The following WNT7B variants were observed in gnomAD, a reference collection of about 807,000 sequenced individuals.
The protein encoded by WNT7B is protein Wnt-7b.
A neutral mutation model predicts 38.2 loss-of-function variants in WNT7B; 19 were observed. The observed-to-expected ratio is 0.50, with a 90% CI of 0.35 to 0.73. The LOEUF (loss-of-function observed/expected upper bound fraction) is 0.73. Among genes scored for constraint, WNT7B ranks in the 30% least tolerant of loss-of-function variants. The pLI, the probability that WNT7B is intolerant of heterozygous loss-of-function variation, is 0.01. For missense variants in WNT7B, 423 were observed against 507.9 expected, an observed-to-expected ratio of 0.83 and a Z score of 1.61; for synonymous variants, 243 against 209.3, an observed-to-expected ratio of 1.16 and a Z score of -1.39.
chr22:45,947,628 C>G (rs1285786660), intron 2 of WNT7B, among the ~76,000 whole-genome samples: 1 of 152,168 alleles, frequency 6.6e-6, no homozygotes, highest in African/African-American at 2.4e-5. Context: ...CACTTCCCAG[C>G]TGGGACTGGG....
intron 3 of WNT7B, among the ~76,000 whole-genome samples, chr22:45,924,034 G>A (rs369596656): frequency 2.6e-4 from 40 of 152,294 alleles, no homozygotes; most frequent in African/African-American, 8.7e-4. Flanking sequence ...CCATGGCCCC[G>A]GAAGGCTGAT....
At chr22:45,926,189 CAAG>C (rs1041001415) in intron 3 of WNT7B, 74 of 985,312 alleles carry the variant, frequency 7.5e-5, no homozygotes, top group Non-Finnish European at 8.9e-5. Flanking sequence ...TCACAGGGTT[CAAG>C]AATGTGCCGT....
intron 1 of WNT7B, among the ~76,000 whole-genome samples, chr22:45,950,942 G>C (rs1931918372): frequency 6.6e-6 from 1 of 152,206 alleles, no homozygotes; most frequent in African/African-American, 2.4e-5. Flanking sequence ...CTGCAGCCTT[G>C]CAGTGGTCCA....
chr22:45,929,745 CATCCTTTCATTCATCTGTCTACTT>C (rs1931254811), intron 3 of WNT7B, among the ~76,000 whole-genome samples: 1 of 151,246 alleles, frequency 6.6e-6, no homozygotes, highest in African/African-American at 2.5e-5. Context: ...CCCACCGATC[CATCCTTTCATTCATCTGTCTACTT>C]ATCCTTCCAT....
At position 45,977,142 on chromosome 22, in the gene WNT7B, G is replaced by T; in HGVS notation, c.-388C>A. On this transcript the variant is annotated 5_prime_UTR_variant, in exon 1 of 4. Transcript: ENST00000339464. ...CGCGGCGGCCAATGTGTCCGCACTT[G>T]TCGGCCGCCCCAGGTGACTCGCGGC... 2.0e-6 allele frequency: 1 copy of T among 496,874 alleles called. No homozygotes were observed. Among genetic ancestry groups the T allele is most frequent in the Non-Finnish European group, 2.6e-6 (1 of 383,778 alleles). 30.8% of individuals were successfully genotyped at this position (496,874 alleles called of 1,614,324 possible). A position where few individuals can be genotyped will look rare whatever the true frequency, so the allele number is the denominator to read the frequency against.
intron 3 of WNT7B, among the ~76,000 whole-genome samples, chr22:45,929,493 C>T (rs1569110978): frequency 7.4e-6 from 1 of 134,908 alleles, no homozygotes. Flanking sequence ...TACATCCACC[C>T]ACCCACCCAC....
chr22:45,957,041 G>C (rs888461811), intron 1 of WNT7B, among the ~76,000 whole-genome samples: 6 of 150,810 alleles, frequency 4.0e-5, no homozygotes, highest in African/African-American at 1.5e-4. Context: ...GGCAGTTGGA[G>C]GTTGCAGTGA....
In WNT7B at chr22:45,975,426, C is replaced by T. The variant is rs1030306342; in HGVS notation, c.71+1258G>A. On this transcript the variant is annotated intron_variant, in intron 1 of 3. Transcript: ENST00000339464. This position sits in a 1 kb window ranked among gnomAD's most constrained non-coding sequence, Gnocchi z 6.6. ...ACAGACCTATGATAAACGGGGCTAC[C>T]GGCAGCCGCAGACACGCCCGCCCAG... 6.3e-6 allele frequency: 4 copies of T among 632,490 alleles called. No homozygotes were observed. Among genetic ancestry groups the T allele is most frequent in the South Asian group, 3.5e-5 (2 of 56,636 alleles). 39.2% of individuals were successfully genotyped at this position (632,490 alleles called of 1,614,324 possible). A position where few individuals can be genotyped will look rare whatever the true frequency, so the allele number is the denominator to read the frequency against.
At chr22:45,964,542 T>C (rs1312057602) in intron 1 of WNT7B, among the ~76,000 whole-genome samples, 2 of 152,050 alleles carry the variant, frequency 1.3e-5, no homozygotes, top group South Asian at 4.1e-4. Flanking sequence ...TTCCCAACAC[T>C]TCCCCGTCAG....
chr22:45,947,345 G>C (rs943159326), intron 2 of WNT7B, among the ~76,000 whole-genome samples: 5 of 152,252 alleles, frequency 3.3e-5, no homozygotes, highest in Admixed American at 2.0e-4. Context: ...GTGGGCAGGA[G>C]GCAGTGACAG....
chr22:45,968,014 G>A (rs1932350585), intron 1 of WNT7B, among the ~76,000 whole-genome samples: 1 of 152,120 alleles, frequency 6.6e-6, no homozygotes, highest in Non-Finnish European at 1.5e-5. Flanking sequence ...GATCCAAGGT[G>A]ACCTTGGGAA....
intron 1 of WNT7B, among the ~76,000 whole-genome samples, chr22:45,962,571 G>A (rs1237801108): frequency 6.6e-6 from 1 of 152,220 alleles, no homozygotes; most frequent in Non-Finnish European, 1.5e-5. Context: ...TCCACTCCCT[G>A]CAGGATCACA....
intron 3 of WNT7B, among the ~76,000 whole-genome samples, chr22:45,930,891 G>A (rs1390246504): frequency 2.0e-5 from 3 of 152,104 alleles, no homozygotes; most frequent in Non-Finnish European, 4.4e-5. Context: ...TCAGAGCCTC[G>A]GCTCTCACAT....
chr22:45,931,638 G>A (rs1032018779), intron 2 of WNT7B, among the ~76,000 whole-genome samples: 30 of 135,780 alleles, frequency 2.2e-4, no homozygotes, highest in Non-Finnish European at 3.3e-4. Flanking sequence ...TGCACCCTGC[G>A]ACTGCCCTCC....
chr22:45,970,991 C>T (rs921614632), intron 1 of WNT7B, among the ~76,000 whole-genome samples: 1 of 152,084 alleles, frequency 6.6e-6, no homozygotes, highest in Non-Finnish European at 1.5e-5. Flanking sequence ...GGCCTCGCAG[C>T]ATCTGGCTGC....
At chr22:45,950,211 A>C in intron 1 of WNT7B, 65 bp from the exon 2 acceptor site, 1 of 1,385,584 alleles carries the variant, frequency 7.2e-7, no homozygotes. Context: ...CACCCCCAAC[A>C]CCTTTCCCCC....
intron 2 of WNT7B, among the ~76,000 whole-genome samples, chr22:45,933,119 G>A (rs1241101096): frequency 3.9e-5 from 6 of 152,208 alleles, no homozygotes; most frequent in Non-Finnish European, 2.9e-5. Flanking sequence ...TGAGGACTGG[G>A]ATGGGGCCCA....
At chr22:45,964,384 C>A (rs962013888) in intron 1 of WNT7B, among the ~76,000 whole-genome samples, 1 of 152,152 alleles carries the variant, frequency 6.6e-6, no homozygotes, top group Non-Finnish European at 1.5e-5. Flanking sequence ...GCCGAACAAG[C>A]GCTTCAGCCC....
chr22:45,938,856 T>C (rs769907075), intron 2 of WNT7B, among the ~76,000 whole-genome samples: 12 of 152,264 alleles, frequency 7.9e-5, no homozygotes, highest in Admixed American at 1.3e-4. Context: ...TGTATACATG[T>C]ATCAACATAT....
Sources: allele counts gnomAD v4.1 joint callset (sites outside exome capture counted in the v4.1 genomes callset), GRCh38; gene constraint gnomAD v4.1.1; non-coding constraint Gnocchi (gnomAD v3.1); transcripts MANE v1.5; gene names NCBI Gene and HGNC (gene_info 2026-07-23, HGNC 2026-07-21).